The following CD2 variants were observed in gnomAD, a reference collection of about 807,000 sequenced individuals.
The protein encoded by CD2 is CD2 molecule.
Under a neutral mutation model 23.2 loss-of-function variants are expected in CD2, and 18 were observed. That is an observed-to-expected ratio of 0.77 (90% confidence interval 0.54 to 1.15). The LOEUF is 1.15. Ranked by LOEUF, CD2 falls within the 50% of genes most tolerant of loss-of-function variation. The pLI is 0.00. For synonymous variants in CD2, 162 were observed against 151.9 expected (o/e 1.07, Z -0.49); for missense variants, 424 against 423.1 (o/e 1.00, Z -0.02).
In CD2 at chr1:116,764,548, T is replaced by C. The variant is rs1357382941; in HGVS notation, c.678T>C (p.Phe226=). ...ICGGGSLLMV[F]VALLVFYITK... is the part of the protein sequence containing the mutation. ...GAGGAGGCAGCCTCTTGATGGTCTT[T>C]GTGGCACTGCTCGTTTTCTATATCA... is the stretch of plus-strand genomic sequence containing the variant. Residue 226 remains phenylalanine (F), a synonymous_variant, in exon 4 of 5, where the codon TTT becomes TTC. Transcript: ENST00000369478. 1.9e-6 allele frequency: 3 copies of C among 1,614,144 alleles called. No individual in the cohort carries two copies. The highest frequency in any genetic ancestry group is 2.5e-6 in the Non-Finnish European group (3 of 1,180,018).
At chr1:116,755,751 A>G (rs960958934) in intron 2 of CD2, among the ~76,000 whole-genome samples, 3 of 152,182 alleles carry the variant, frequency 2.0e-5, no homozygotes, top group African/African-American at 7.2e-5. Flanking sequence ...CCTCTAAAAT[A>G]GGAAGAATGA....
chr1:116,754,765 A>G lies in CD2; in HGVS notation c.196A>G (p.Lys66Glu). Reference sequence around the variant, plus strand: ...AAAATGGGAAAAAACTTCAGACAAGAAAAAGATTGCACAATTCAGAAAAGA... The same window carrying G: ...AAAATGGGAAAAAACTTCAGACAAGGAAAAGATTGCACAATTCAGAAAAGA... ...DIKWEKTSDK[K>E]KIAQFRKEKE... Residue 66 changes from lysine (K) to glutamate (E), a missense_variant, in exon 2 of 5, where the codon AAA becomes GAA. Physicochemically the swap from Lys to Glu is moderately conservative, Grantham distance 56 (BLOSUM62 1). Transcript: ENST00000369478. 1 of 1,613,730 alleles carries G rather than the reference A, an allele frequency of 6.2e-7. No homozygotes were observed. Among genetic ancestry groups the G allele is most frequent in the Non-Finnish European group, 8.5e-7 (1 of 1,179,814 alleles).
intron 3 of CD2, 139 bp downstream of exon 3, chr1:116,760,771 T>C (rs1652024503): frequency 2.9e-6 from 2 of 680,410 alleles, no homozygotes; most frequent in African/African-American, 3.6e-5. Flanking sequence ...CTCTTCCTCC[T>C]GGAAACCTTC....
At chr1:116,759,079 A>T (rs1349541796) in intron 2 of CD2, among the ~76,000 whole-genome samples, 2 of 152,180 alleles carry the variant, frequency 1.3e-5, no homozygotes, top group East Asian at 1.9e-4. Flanking sequence ...TGTTGCTGTT[A>T]TAAGTAGAAA....
intron 2 of CD2, among the ~76,000 whole-genome samples, chr1:116,759,651 C>A (rs1439714026): frequency 1.3e-5 from 2 of 152,166 alleles, no homozygotes; most frequent in Non-Finnish European, 2.9e-5. Context: ...CCACATGTTG[C>A]TCCTTTTGTG....
chr1:116,768,608 G>A lies in CD2; in HGVS notation c.881G>A (p.Ser294Asn). 4 of 1,613,988 alleles carry A rather than the reference G, an allele frequency of 2.5e-6. No homozygotes were observed. Among genetic ancestry groups the A allele is most frequent in the Non-Finnish European group, 3.4e-6 (4 of 1,180,022 alleles). ...CCTGGTCATCGTTCCCAGGCACCTAGTCATCGTCCCCCGCCTCCTGGACAC... is the reference window on the plus strand; with the variant it reads ...CCTGGTCATCGTTCCCAGGCACCTAATCATCGTCCCCCGCCTCCTGGACAC... ...PPPGHRSQAP[S>N]HRPPPPGHRV... Residue 294 changes from serine (S) to asparagine (N), a missense_variant, in exon 5 of 5, where the codon AGT becomes AAT. Physicochemically the swap from Ser to Asn is conservative, Grantham distance 46. Transcript: ENST00000369478.
At chr1:116,755,178 G>A (rs1440769163) in intron 2 of CD2, among the ~76,000 whole-genome samples, 3 of 152,188 alleles carry the variant, frequency 2.0e-5, no homozygotes, top group Non-Finnish European at 2.9e-5. Flanking sequence ...CTGTCTTCAG[G>A]TGGTTACAGG....
At chr1:116,756,386 A>G (rs1651852047) in intron 2 of CD2, among the ~76,000 whole-genome samples, 1 of 152,164 alleles carries the variant, frequency 6.6e-6, no homozygotes, top group Admixed American at 6.5e-5. Flanking sequence ...TTAGGGGTCA[A>G]GTGCTTGCTT....
chr1:116,768,102 C>T (rs1351463066), intron 4 of CD2, among the ~76,000 whole-genome samples: 2 of 152,146 alleles, frequency 1.3e-5, no homozygotes, highest in Non-Finnish European at 2.9e-5. Flanking sequence ...TAACCCCTTC[C>T]CATGCGCTCT....
At chr1:116,762,233 G>GT (rs1652077712) in intron 3 of CD2, among the ~76,000 whole-genome samples, 1 of 152,142 alleles carries the variant, frequency 6.6e-6, no homozygotes, top group Admixed American at 6.5e-5. Flanking sequence ...ATTTTTCATT[G>GT]TTTATCTGAA....
At chr1:116,768,323 C>A in intron 4 of CD2, 141 bp from the exon 5 acceptor site, 1 of 726,968 alleles carries the variant, frequency 1.4e-6, no homozygotes, top group Non-Finnish European at 2.3e-6. Context: ...GCTTAGAGTT[C>A]TCAGATAGTA....
rs1214860438 is a variant in CD2, at chr1:116,760,619, T to C, written c.600T>C (p.Pro200=). 6.2e-6 allele frequency: 10 copies of C among 1,613,986 alleles called. No homozygotes were observed. The highest frequency in any genetic ancestry group is 1.3e-5 in the African/African-American group (1 of 74,924). ...NKVSKESSVE[P]VSCPEKGLDI... ...TCAGCAAGGAATCCAGTGTCGAGCCTGTCAGCTGTCCAGGTGCGTGGCGGG... is the reference window on the plus strand; with the variant it reads ...TCAGCAAGGAATCCAGTGTCGAGCCCGTCAGCTGTCCAGGTGCGTGGCGGG... Residue 200 remains proline (P), a synonymous_variant, in exon 3 of 5, where the codon CCT becomes CCC. Transcript: ENST00000369478.
chr1:116,760,180 A>G (rs1358464469), intron 2 of CD2, among the ~76,000 whole-genome samples: 1 of 152,194 alleles, frequency 6.6e-6, no homozygotes, highest in Admixed American at 6.5e-5. Flanking sequence ...CATATGATAC[A>G]CTATTTAGTG....
intron 2 of CD2, 36 bp downstream of exon 2, chr1:116,754,987 G>T: frequency 7.0e-7 from 1 of 1,438,174 alleles, no homozygotes; most frequent in Non-Finnish European, 9.6e-7. Context: ...TTATTTCAGT[G>T]TGGGTGCTAT....
At chr1:116,764,686 C>A in intron 4 of CD2, 80 bp downstream of exon 4, 1 of 1,039,604 alleles carries the variant, frequency 9.6e-7, no homozygotes, top group Non-Finnish European at 1.5e-6. Flanking sequence ...CACCTTGAAT[C>A]TGCAGAGAAA....
intron 2 of CD2, 109 bp from the exon 3 acceptor site, chr1:116,760,293 A>G: frequency 1.3e-6 from 1 of 761,478 alleles, no homozygotes; most frequent in Non-Finnish European, 2.2e-6. Flanking sequence ...GAGGTCTTTG[A>G]CATTGTTCCC....
intron 3 of CD2, among the ~76,000 whole-genome samples, chr1:116,761,342 G>A (rs140807972): frequency 2.0e-5 from 3 of 152,308 alleles, no homozygotes; most frequent in Non-Finnish European, 4.4e-5. Flanking sequence ...TCCAAATTTA[G>A]CCAGAGAATC....
At chr1:116,763,594 A>G (rs1259817838) in intron 3 of CD2, among the ~76,000 whole-genome samples, 1 of 152,232 alleles carries the variant, frequency 6.6e-6, no homozygotes, top group Non-Finnish European at 1.5e-5. Context: ...TTTACAGTTT[A>G]CAAAGCACTT....
chr1:116,765,582 G>A (rs906351600), intron 4 of CD2, among the ~76,000 whole-genome samples: 1 of 151,958 alleles, frequency 6.6e-6, no homozygotes, highest in Non-Finnish European at 1.5e-5. Context: ...CCCAGGCCCC[G>A]AAACATCATC....
Sources: gnomAD v4.1 joint callset for allele counts (sites outside exome capture counted in the v4.1 genomes callset) on GRCh38, gnomAD v4.1.1 for gene constraint, MANE v1.5 for transcripts, NCBI Gene and HGNC (gene_info 2026-07-23, HGNC 2026-07-21) for gene names.